BAG2: variants seen among roughly 807,000 people sequenced by gnomAD.
BAG2 encodes BAG family molecular chaperone regulator 2.
BAG2 carries 8 observed loss-of-function variants against 16.4 expected under a neutral mutation model. The observed-to-expected ratio is 0.49, with a 90% CI of 0.29 to 0.88. The LOEUF (loss-of-function observed/expected upper bound fraction) is 0.88, where lower values mean the gene tolerates loss of function less well. Among genes scored for constraint, BAG2 ranks in the 40% least tolerant of loss-of-function variants. The probability of loss-of-function intolerance (pLI) is 0.09; values close to 1 mark genes in which losing one functional copy is unlikely to be tolerated. For synonymous variants in BAG2, 82 were observed against 89.2 expected (o/e 0.92, Z 0.46); for missense variants, 218 against 248.9 (o/e 0.88, Z 0.84).
In BAG2 at chr6:57,187,366, A is replaced by G. The variant is rs1764640633; in HGVS notation, c.*3176A>G. The G allele has an allele frequency of 6.6e-6, 1 of 152,150 alleles. No homozygotes were observed. The highest frequency in any genetic ancestry group is 2.4e-5 in the African/African-American group (1 of 41,442). 9.4% of individuals were successfully genotyped at this position (152,150 alleles called of 1,614,324 possible). ...GTTTTAAATATTTTGTTAGCAAATG[A>G]ATTCATCTGTATGATGAGAGACTTA... is the stretch of plus-strand genomic sequence containing the variant. On this transcript the variant is annotated 3_prime_UTR_variant, in exon 3 of 3. Transcript: ENST00000370693.
At chr6:57,172,833 C>T (rs1308618222) in intron 1 of BAG2, 23 bp downstream of exon 1, 3 of 1,463,494 alleles carry the variant, frequency 2.0e-6, no homozygotes, top group African/African-American at 1.5e-5. Context: ...CGGGCGGTCT[C>T]GGGCGTTCTG....
chr6:57,172,435 G>T lies in BAG2; in HGVS notation c.-263G>T. On this transcript the variant is annotated 5_prime_UTR_variant, in exon 1 of 3. Transcript: ENST00000370693. ...CCCCTGTCGGCCCATCCTCGAGCCC[G>T]TGTGGCTCGCGAACCTCTAACTCCA... is the stretch of plus-strand genomic sequence containing the variant. 3.6e-6 allele frequency: 1 copy of T among 280,728 alleles called. No individual in the cohort carries two copies. 17.4% of individuals were successfully genotyped at this position (280,728 alleles called of 1,614,324 possible). A position where few individuals can be genotyped will look rare whatever the true frequency, so the allele number is the denominator to read the frequency against.
In BAG2 at chr6:57,172,326, A is replaced by C. The variant is rs971011955; in HGVS notation, c.-372A>C. ...CGGGTAGTTCCTGGGTCCGGGGAGC[A>C]GACGATCCGCTAGCCACATTAGGCG... On this transcript the variant is annotated 5_prime_UTR_variant, in exon 1 of 3. Coordinates refer to ENST00000370693, the MANE Select transcript of BAG2 (RefSeq NM_004282.4). 3 of 156,194 alleles carry C rather than the reference A, an allele frequency of 1.9e-5. No homozygotes were observed. Among genetic ancestry groups the C allele is most frequent in the Non-Finnish European group, 4.2e-5 (3 of 70,934 alleles). The allele number at this position is 156,194 out of a possible 1,614,324, so 9.7% of individuals were successfully genotyped here.
Position 57,172,611 on chromosome 6 carries a change from C to T in BAG2, c.-87C>T. 1 of 1,166,630 alleles carries T rather than the reference C, an allele frequency of 8.6e-7. No individual in the cohort carries two copies. The highest frequency in any genetic ancestry group is 1.1e-6 in the Non-Finnish European group (1 of 884,242). 72.3% of individuals were successfully genotyped at this position (1,166,630 alleles called of 1,614,324 possible). A position where few individuals can be genotyped will look rare whatever the true frequency, so the allele number is the denominator to read the frequency against. On this transcript the variant is annotated 5_prime_UTR_variant, in exon 1 of 3. The change creates a new upstream start codon in the 5' untranslated region. Coordinates refer to ENST00000370693, the MANE Select transcript of BAG2 (RefSeq NM_004282.4). ...GGGAGGGCGGGCGCCCGCGTGGTGA[C>T]GGCGACGCCTGCAGCCCAAGGAGCG...
At position 57,184,062 on chromosome 6, in the gene BAG2, A is replaced by G; in HGVS notation, c.508A>G (p.Ile170Val). The G allele has an allele frequency of 6.2e-7, 1 of 1,612,728 alleles. No individual in the cohort carries two copies. The highest frequency in any genetic ancestry group is 1.1e-5 in the South Asian group (1 of 90,586). ...IGCALEDQKK[I>V]KRRLETLLRN... ...CTGTGCTCTTGAAGATCAGAAGAAA[A>G]TTAAGAGAAGATTAGAGACTCTGCT... The change falls in exon 3 of 3, where the codon ATT (isoleucine) becomes GTT (valine). Residue 170 changes from isoleucine (I) to valine (V), a missense_variant. Coordinates refer to ENST00000370693, the MANE Select transcript of BAG2 (RefSeq NM_004282.4).
At chr6:57,180,757 A>G (rs1295619125) in intron 1 of BAG2, among the ~76,000 whole-genome samples, 1 of 151,470 alleles carries the variant, frequency 6.6e-6, no homozygotes, top group South Asian at 2.1e-4. Flanking sequence ...TCAAAAGCAT[A>G]CGCCATAAGG....
Position 57,172,812 on chromosome 6 carries a change from T to C in BAG2, c.113+2T>C. The C allele has an allele frequency of 6.5e-7, 1 of 1,527,724 alleles. No homozygotes were observed. The highest frequency in any genetic ancestry group is 8.8e-7 in the Non-Finnish European group (1 of 1,137,068). The allele number at this position is 1,527,724 out of a possible 1,614,324, so 94.6% of individuals were successfully genotyped here. A position where few individuals can be genotyped will look rare whatever the true frequency, so the allele number is the denominator to read the frequency against. On this transcript the variant is annotated splice_donor_variant, in intron 1 of 2. Coordinates refer to ENST00000370693, the MANE Select transcript of BAG2 (RefSeq NM_004282.4). LOFTEE classifies it high-confidence loss of function. ...GAGCCTGGACCAGCTGGAGCTCAGG[T>C]GAGCTCCGGGCGGGCGGTCTCGGGC...
At chr6:57,173,360 G>A (rs1314047505) in intron 1 of BAG2, 3 of 985,262 alleles carry the variant, frequency 3.0e-6, no homozygotes, top group Non-Finnish European at 3.6e-6. Context: ...GGAGTGAGGG[G>A]TAGGCAGTAA....
In BAG2 at chr6:57,184,133, T is replaced by C. The variant is rs1472180196; in HGVS notation, c.579T>C (p.His193=). The C allele has an allele frequency of 1.3e-6, 2 of 1,579,044 alleles. No homozygotes were observed. The highest frequency in any genetic ancestry group is 4.0e-5 in the Admixed American group (2 of 49,744). ...NSDKAIKLLE[H]SKGAGSKTLQ... ...ACAAGGCCATCAAGCTATTAGAGCATTCTAAAGGAGCTGGTTCCAAAACTC... is the reference window on the plus strand; with the variant it reads ...ACAAGGCCATCAAGCTATTAGAGCACTCTAAAGGAGCTGGTTCCAAAACTC... Residue 193 remains histidine (H), a synonymous_variant, in exon 3 of 3, where the codon CAT becomes CAC. Coordinates refer to ENST00000370693, the MANE Select transcript of BAG2 (RefSeq NM_004282.4).
chr6:57,175,850 T>TCC (rs1562639623), intron 1 of BAG2, among the ~76,000 whole-genome samples: 40 of 152,266 alleles, frequency 2.6e-4, no homozygotes, highest in African/African-American at 8.7e-4. Context: ...TCCCTGAATT[T>TCC]TGTGAGCTGC....
rs575648372 is a variant in BAG2 at position 57,187,313 on chromosome 6, T to C, written c.*3123T>C. ...ATCATCCAGTTAGCCAGGAGTTTGA[T>C]GACTGGATATTTCAGAGTCTACTGC... On this transcript the variant is annotated 3_prime_UTR_variant, in exon 3 of 3. Coordinates refer to ENST00000370693, the MANE Select transcript of BAG2 (RefSeq NM_004282.4). 27 of 152,336 alleles carry C rather than the reference T, an allele frequency of 1.8e-4. No homozygotes were observed. The South Asian group carries it at 5.6e-3, about 32-fold the overall frequency. The allele number at this position is 152,336 out of a possible 1,614,324, so 9.4% of individuals were successfully genotyped here. A position where few individuals can be genotyped will look rare whatever the true frequency, so the allele number is the denominator to read the frequency against.
chr6:57,184,272 T>C lies in BAG2; in HGVS notation c.*82T>C. 1 of 1,302,794 alleles carries C rather than the reference T, an allele frequency of 7.7e-7. No individual in the cohort carries two copies. The highest frequency in any genetic ancestry group is 1.5e-5 in the African/African-American group (1 of 66,404). 80.7% of individuals were successfully genotyped at this position (1,302,794 alleles called of 1,614,324 possible). ...ATTTTAATTGATAACTAGTTCTTTG[T>C]TAGGTATAACCACTTAGTTGACACT... is the stretch of plus-strand genomic sequence containing the variant. On this transcript the variant is annotated 3_prime_UTR_variant, in exon 3 of 3. Transcript: ENST00000370693.
At chr6:57,173,151 G>A in intron 1 of BAG2, 3 of 1,014,364 alleles carry the variant, frequency 3.0e-6, no homozygotes, top group Non-Finnish European at 3.5e-6. Flanking sequence ...ATTAAGGACT[G>A]TGGCAGCTTG....
intron 1 of BAG2, among the ~76,000 whole-genome samples, chr6:57,176,428 C>T (rs1431549911): frequency 1.3e-5 from 2 of 152,170 alleles, no homozygotes; most frequent in Non-Finnish European, 2.9e-5. Flanking sequence ...AAAATTCAAT[C>T]TAAATTGGCC....
chr6:57,180,258 CAG>C (rs1483594675), intron 1 of BAG2, among the ~76,000 whole-genome samples: 2 of 152,024 alleles, frequency 1.3e-5, no homozygotes, highest in Non-Finnish European at 2.9e-5. Flanking sequence ...TGCCTTTAAA[CAG>C]AGAGATGTTA....
Position 57,172,406 on chromosome 6 carries a change from C to T in BAG2, c.-292C>T, listed in dbSNP as rs939022380. On this transcript the variant is annotated 5_prime_UTR_variant, in exon 1 of 3. Coordinates refer to ENST00000370693, the MANE Select transcript of BAG2 (RefSeq NM_004282.4). ...CTCAGAGACTTGCGCTCCCCAGGCC[C>T]GAGCCCCTGTCGGCCCATCCTCGAG... is the stretch of plus-strand genomic sequence containing the variant. 9 of 223,106 alleles carry T rather than the reference C, an allele frequency of 4.0e-5. No individual in the cohort carries two copies. The highest frequency in any genetic ancestry group is 6.1e-5 in the Non-Finnish European group (7 of 114,468). 13.8% of individuals were successfully genotyped at this position (223,106 alleles called of 1,614,324 possible).
intron 1 of BAG2, among the ~76,000 whole-genome samples, chr6:57,175,149 G>C (rs529386038): frequency 6.6e-6 from 1 of 152,008 alleles, no homozygotes. Context: ...CCGTTTTGAC[G>C]ATCAGTTCTA....
chr6:57,178,239 A>T (rs1438394594), intron 1 of BAG2, among the ~76,000 whole-genome samples: 1 of 152,240 alleles, frequency 6.6e-6, no homozygotes, highest in Non-Finnish European at 1.5e-5. Flanking sequence ...GACAGGGAAT[A>T]TTCAAAGATA....
intron 1 of BAG2, among the ~76,000 whole-genome samples, chr6:57,178,227 G>C (rs192055765): frequency 2.6e-5 from 4 of 152,286 alleles, no homozygotes; most frequent in South Asian, 2.1e-4. Context: ...AACAGAAGGG[G>C]AGACAGGGAA....
Sources: allele counts gnomAD v4.1 joint callset (sites outside exome capture counted in the v4.1 genomes callset), GRCh38; gene constraint gnomAD v4.1.1; transcripts MANE v1.5; gene names NCBI Gene and HGNC (gene_info 2026-07-23, HGNC 2026-07-21).